PTPRM: variants seen among roughly 807,000 people sequenced by gnomAD.
PTPRM encodes the protein receptor-type tyrosine-protein phosphatase mu.
In PTPRM, 47 loss-of-function variants were observed where a neutral mutation model predicts 186.7. The observed-to-expected ratio is 0.25, with a 90% CI of 0.20 to 0.32. PTPRM has a LOEUF of 0.32. Among genes scored for constraint, PTPRM ranks in the 10% least tolerant of loss-of-function variants. The pLI, the probability that PTPRM is intolerant of heterozygous loss-of-function variation, is 1.00. For synonymous variants in PTPRM, 668 were observed against 674.9 expected (o/e 0.99, Z 0.16); for missense variants, 1,494 against 1,865.0 (o/e 0.80, Z 3.66).
chr18:8,329,716 G>GA (rs1598325608), intron 22 of PTPRM, among the ~76,000 whole-genome samples: 2 of 448 alleles, frequency 4.5e-3, no homozygotes, highest in East Asian at 0.17. Context: ...CCAGTGTGGA[G>GA]TATAAATAAA....
chr18:8,001,420 G>T (rs929590964), intron 7 of PTPRM, among the ~76,000 whole-genome samples: 1 of 152,136 alleles, frequency 6.6e-6, no homozygotes, highest in Non-Finnish European at 1.5e-5. Flanking sequence ...AGTGAAATTT[G>T]GTGCATGCGA....
At chr18:8,384,244 G>GA (rs2095757040) in intron 29 of PTPRM, among the ~76,000 whole-genome samples, 1 of 152,174 alleles carries the variant, frequency 6.6e-6, no homozygotes, top group Non-Finnish European at 1.5e-5. Flanking sequence ...GATCACTGGA[G>GA]AAGAGGGCTT....
intron 1 of PTPRM, among the ~76,000 whole-genome samples, chr18:7,633,720 G>T (rs532483420): frequency 6.6e-6 from 1 of 152,050 alleles, no homozygotes; most frequent in African/African-American, 2.4e-5. Flanking sequence ...CCTCCGCATC[G>T]CAGGAAAGGA....
intron 1 of PTPRM, among the ~76,000 whole-genome samples, chr18:7,701,267 G>A: frequency 6.9e-6 from 1 of 145,730 alleles, no homozygotes; most frequent in African/African-American, 2.6e-5. Flanking sequence ...TCACACCACT[G>A]CACGCCAACT....
At chr18:7,589,364 C>A (rs1342059131) in intron 1 of PTPRM, among the ~76,000 whole-genome samples, 1 of 152,302 alleles carries the variant, frequency 6.6e-6, no homozygotes, top group South Asian at 2.1e-4. Flanking sequence ...TCTACCTGAT[C>A]CTAGCACAGA....
chr18:8,242,957 C>A (rs185341454), intron 14 of PTPRM, among the ~76,000 whole-genome samples: 9 of 152,298 alleles, frequency 5.9e-5, no homozygotes, highest in African/African-American at 1.9e-4. Context: ...TGCTTGGGCA[C>A]AATTAGAATA....
chr18:8,303,072 A>T (rs963520181), intron 20 of PTPRM, among the ~76,000 whole-genome samples: 1 of 152,008 alleles, frequency 6.6e-6, no homozygotes, highest in Non-Finnish European at 1.5e-5. Flanking sequence ...GGAGGAGGTG[A>T]TCTGTGGAGG....
chr18:8,069,683 T>C lies in PTPRM; in HGVS notation c.1133-3T>C, dbSNP rs749958078. ...GTTTTCTTTTGTCTTCTTTTCTAAA[T>C]AGATCCCATGCGAGGCCCAAGAAAA... On this transcript the variant is annotated splice_region_variant and splice_polypyrimidine_tract_variant and intron_variant, in intron 7 of 32. Transcript: ENST00000580170. The C allele has an allele frequency of 3.7e-6, 6 of 1,606,978 alleles. No homozygotes were observed. Among genetic ancestry groups the C allele is most frequent in the Non-Finnish European group, 5.1e-6 (6 of 1,174,480 alleles).
chr18:8,259,214 A>T (rs1241622830), intron 19 of PTPRM, among the ~76,000 whole-genome samples: 2 of 152,034 alleles, frequency 1.3e-5, no homozygotes, highest in African/African-American at 2.4e-5. Flanking sequence ...CTCCCAAAAT[A>T]CTAGGATTAT....
chr18:7,907,889 C>CTT (rs200193157), intron 4 of PTPRM, among the ~76,000 whole-genome samples: 1,923 of 143,200 alleles, frequency 0.013, 18 homozygotes, highest in South Asian at 0.035. Flanking sequence ...TCTCTGTATT[C>CTT]TTTTTTTTTT....
chr18:7,575,428 A>C (rs1379475695), intron 1 of PTPRM, among the ~76,000 whole-genome samples: 2 of 152,176 alleles, frequency 1.3e-5, no homozygotes, highest in East Asian at 1.9e-4. Flanking sequence ...GTGCATCTCT[A>C]AGTCTTTATT....
intron 1 of PTPRM, among the ~76,000 whole-genome samples, chr18:7,715,844 C>G (rs1332619795): frequency 6.6e-6 from 1 of 152,076 alleles, no homozygotes; most frequent in Non-Finnish European, 1.5e-5. Flanking sequence ...AACCACTGCT[C>G]AAGGAAATGA....
intron 1 of PTPRM, among the ~76,000 whole-genome samples, chr18:7,621,217 C>G (rs771896754): frequency 1.3e-5 from 2 of 152,056 alleles, no homozygotes; most frequent in Non-Finnish European, 2.9e-5. Context: ...GGTCACATAG[C>G]TAATAATTGG....
chr18:8,400,204 A>C (rs1357616891), intron 32 of PTPRM, among the ~76,000 whole-genome samples: 6 of 152,178 alleles, frequency 3.9e-5, no homozygotes, highest in African/African-American at 1.4e-4. Flanking sequence ...AGTGGTTCTC[A>C]AGCCTGGTTG....
chr18:7,648,363 G>A (rs1221398811), intron 1 of PTPRM, among the ~76,000 whole-genome samples: 2 of 152,184 alleles, frequency 1.3e-5, no homozygotes, highest in East Asian at 3.9e-4. Context: ...CCCCACAGTG[G>A]CCTCTAAGTG....
chr18:8,394,551 G>A lies in PTPRM; in HGVS notation c.4284G>A (p.Val1428=). 6.2e-7 allele frequency: 1 copy of A among 1,613,770 alleles called. No individual in the cohort carries two copies. ...AGATGCTCCGGCACCAGAGAACCGT[G>A]GATGTCTTTCACGCTGTGAAGACAC... The part of the protein sequence containing the change: ...VCEMLRHQRT[V]DVFHAVKTLR... The change falls in exon 32 of 33, where the codon GTG becomes GTA. Residue 1428 remains valine (V), a synonymous_variant. Coordinates refer to ENST00000580170, the MANE Select transcript of PTPRM (RefSeq NM_001105244.2).
chr18:7,864,193 T>C (rs1273039298), intron 2 of PTPRM, among the ~76,000 whole-genome samples: 1 of 152,252 alleles, frequency 6.6e-6, no homozygotes, highest in Non-Finnish European at 1.5e-5. Context: ...AGAAGCTCTT[T>C]AGTTTAATTA....
chr18:7,878,218 T>C (rs547887174), intron 2 of PTPRM, among the ~76,000 whole-genome samples: 1 of 152,342 alleles, frequency 6.6e-6, no homozygotes, highest in Admixed American at 6.5e-5. Flanking sequence ...TATTTATTGG[T>C]ATTTTGATGC....
At chr18:7,991,102 T>A (rs1047863814) in intron 7 of PTPRM, among the ~76,000 whole-genome samples, 1 of 152,184 alleles carries the variant, frequency 6.6e-6, no homozygotes, top group African/African-American at 2.4e-5. Flanking sequence ...GGTTCTTAAT[T>A]TGCTTTTCTG....
Sources: gnomAD v4.1 joint callset for allele counts (sites outside exome capture counted in the v4.1 genomes callset) on GRCh38, gnomAD v4.1.1 for gene constraint, MANE v1.5 for transcripts, NCBI Gene and HGNC (gene_info 2026-07-23, HGNC 2026-07-21) for gene names.